The following COBLL1 variants were observed in gnomAD, a reference collection of about 807,000 sequenced individuals.
COBLL1 encodes cordon-bleu protein-like 1.
Under a neutral mutation model 94.8 loss-of-function variants are expected in COBLL1, and 50 were observed. The ratio of observed to expected loss-of-function variants is 0.53; its 90% CI spans 0.42 to 0.67. COBLL1 has a LOEUF of 0.67. Ranked by LOEUF, COBLL1 falls within the 30% of genes least tolerant of loss-of-function variation. COBLL1 has a pLI of 0.00. For missense variants in COBLL1, 1,362 were observed against 1,348.7 expected (o/e 1.01, Z -0.15); for synonymous variants, 448 against 473.8 (o/e 0.95, Z 0.71).
intron 3 of COBLL1, among the ~76,000 whole-genome samples, chr2:164,741,609 G>C (rs999602416): frequency 6.6e-6 from 1 of 151,662 alleles, no homozygotes; most frequent in East Asian, 1.9e-4. Flanking sequence ...CTATCAATTC[G>C]GCTATAATAC....
chr2:164,687,656 G>A (rs1683371661), intron 13 of COBLL1: 2 of 843,024 alleles, frequency 2.4e-6, no homozygotes, highest in Non-Finnish European at 4.0e-6. Context: ...TATTATCAAG[G>A]TCCCTTAGAG....
intron 7 of COBLL1, among the ~76,000 whole-genome samples, chr2:164,714,072 T>C (rs1685041399): frequency 6.6e-6 from 1 of 151,884 alleles, no homozygotes; most frequent in Admixed American, 6.6e-5. Flanking sequence ...ATAATAGACC[T>C]ATTAGTAGAA....
At chr2:164,725,917 A>G (rs1685704162) in intron 5 of COBLL1, among the ~76,000 whole-genome samples, 1 of 152,238 alleles carries the variant, frequency 6.6e-6, no homozygotes. Context: ...CAGGCTAAAT[A>G]TAATTGCATG....
chr2:164,674,358 C>T (rs1235076381), intron 1 of COBLL1, among the ~76,000 whole-genome samples: 4 of 152,126 alleles, frequency 2.6e-5, no homozygotes, highest in African/African-American at 9.7e-5. Flanking sequence ...TGCGCCCAGC[C>T]AAAATTTACT....
chr2:164,818,419 CA>C (rs1684955191), intron 2 of COBLL1, among the ~76,000 whole-genome samples: 1 of 148,514 alleles, frequency 6.7e-6, no homozygotes, highest in South Asian at 2.2e-4. Flanking sequence ...TACATATTTA[CA>C]ATGTATGCAT....
rs1159239744 is a variant in COBLL1, at chr2:164,681,780, AT to A, written c.*4165del. ...AAGTAATTAGCAAGACTTACAAATG[AT>A]TTTTTCCAGTTTGTGAAGCAGAGAT... On this transcript the variant is annotated 3_prime_UTR_variant, in exon 14 of 14. Coordinates refer to ENST00000652658, the MANE Select transcript of COBLL1 (RefSeq NM_001365672.2). 1.4e-4 allele frequency: 22 copies of A among 152,202 alleles called. No individual in the cohort carries two copies. Among genetic ancestry groups the A allele is most frequent in the African/African-American group, 4.8e-4 (20 of 41,540 alleles). 9.4% of individuals were successfully genotyped at this position (152,202 alleles called of 1,614,324 possible).
intron 7 of COBLL1, among the ~76,000 whole-genome samples, chr2:164,715,538 A>G (rs1286213538): frequency 1.3e-5 from 2 of 152,174 alleles, no homozygotes; most frequent in Non-Finnish European, 2.9e-5. Flanking sequence ...TAGGATTAAA[A>G]TTAAGTAAAA....
At chr2:164,710,066 G>A (rs1684804981) in intron 7 of COBLL1, among the ~76,000 whole-genome samples, 1 of 152,106 alleles carries the variant, frequency 6.6e-6, no homozygotes, top group African/African-American at 2.4e-5. Flanking sequence ...AGACACAGAG[G>A]CAAGAGGTTT....
chr2:164,733,247 T>A (rs1463013259), intron 3 of COBLL1, among the ~76,000 whole-genome samples: 6 of 152,214 alleles, frequency 3.9e-5, no homozygotes, highest in Non-Finnish European at 8.8e-5. Flanking sequence ...CTGTGATAAA[T>A]TAATTTTCTA....
In COBLL1 at chr2:164,746,504, C is replaced by T. The variant is rs117591151; in HGVS notation, c.42-2629G>A. ...TGCTATACAAATGTTCCTCTACTTA[C>T]GATGGGATTACAACCTGATAAATCC... On this transcript the variant is annotated intron_variant, in intron 2 of 13. Transcript: ENST00000652658. Among the ~76,000 whole-genome samples the T allele has an allele frequency of 7.0e-4, 107 of 152,156 alleles. 2 individuals are homozygous for T. In the East Asian group the frequency reaches 0.02, roughly 28 times the overall value.
intron 9 of COBLL1, chr2:164,702,979 G>A: frequency 1.6e-6 from 1 of 630,350 alleles, no homozygotes; most frequent in Non-Finnish European, 2.8e-6. Context: ...AGTGAAAAAG[G>A]GGAAACTTCT....
Position 164,722,587 on chromosome 2 carries a change from T to C in COBLL1, c.662-65A>G, listed in dbSNP as rs1685511058. 3 of 841,810 alleles carry C rather than the reference T, an allele frequency of 3.6e-6. No homozygotes were observed. The African/African-American group carries it at 5.2e-5, about 15-fold the overall frequency. 52.1% of individuals were successfully genotyped at this position (841,810 alleles called of 1,614,324 possible). ...TTGACTGTTCACTTCCAAGATTTCT[T>C]TCTCTTACTTCCCCTTTGCAAACTT... is the stretch of plus-strand genomic sequence containing the variant. On this transcript the variant is annotated intron_variant, in intron 5 of 13. Coordinates refer to ENST00000652658, the MANE Select transcript of COBLL1 (RefSeq NM_001365672.2).
At chr2:164,819,521 TA>T (rs71962472) in intron 2 of COBLL1, among the ~76,000 whole-genome samples, 19 of 151,894 alleles carry the variant, frequency 1.3e-4, no homozygotes, top group African/African-American at 3.4e-4. Flanking sequence ...TTTGACAACG[TA>T]AAAAAAAATT....
chr2:164,756,179 C>G (rs1687398248), intron 2 of COBLL1, among the ~76,000 whole-genome samples: 1 of 152,054 alleles, frequency 6.6e-6, no homozygotes. Flanking sequence ...GAGGTCTATT[C>G]CAAATTCACT....
rs1683089156 is a variant in COBLL1 at position 164,682,627 on chromosome 2, G to A, written c.*3319C>T. The stretch of plus-strand genomic sequence containing the variant: ...GAAGGGTCACTCCTCAAAGAATAGG[G>A]AGTATATTAGGCAAATAATACCTGT... On this transcript the variant is annotated 3_prime_UTR_variant, in exon 14 of 14. Coordinates refer to ENST00000652658, the MANE Select transcript of COBLL1 (RefSeq NM_001365672.2). The A allele has an allele frequency of 6.6e-6, 1 of 152,144 alleles. No homozygotes were observed. Among genetic ancestry groups the A allele is most frequent in the Admixed American group, 6.5e-5 (1 of 15,268 alleles). 9.4% of individuals were successfully genotyped at this position (152,144 alleles called of 1,614,324 possible).
chr2:164,700,619 G>C lies in COBLL1; in HGVS notation c.1363C>G (p.Leu455Val). 6.2e-7 allele frequency: 1 copy of C among 1,613,582 alleles called. No homozygotes were observed. The highest frequency in any genetic ancestry group is 8.5e-7 in the Non-Finnish European group (1 of 1,179,610). ...AGGGCTGAGTCAGGATCATTTTTCA[G>C]TGTATTTATTATATCAGTAGATACA... The part of the protein sequence containing the change: ...PFVSTDIINT[L>V]KNDPDSALGN... The change falls in exon 10 of 14, where the codon CTG becomes GTG. Residue 455 changes from leucine to valine, a missense_variant. Coordinates refer to ENST00000652658, the MANE Select transcript of COBLL1 (RefSeq NM_001365672.2).
At chr2:164,805,387 T>C (rs192282649) in intron 2 of COBLL1, among the ~76,000 whole-genome samples, 231 of 124,516 alleles carry the variant, frequency 1.9e-3, no homozygotes, top group Non-Finnish European at 3.2e-3. Flanking sequence ...TAGTTTACAT[T>C]AGGGTTCACG....
At chr2:164,752,492 A>G (rs1185422979) in intron 2 of COBLL1, among the ~76,000 whole-genome samples, 1 of 151,918 alleles carries the variant, frequency 6.6e-6, no homozygotes, top group Non-Finnish European at 1.5e-5. Flanking sequence ...GTTATTGAAT[A>G]TCTTCTAAGT....
chr2:164,758,405 T>A (rs548442890), intron 2 of COBLL1, among the ~76,000 whole-genome samples: 1 of 152,100 alleles, frequency 6.6e-6, no homozygotes, highest in Non-Finnish European at 1.5e-5. Context: ...TAAACATTTA[T>A]AGAAATGACC....
Sources: allele counts gnomAD v4.1 joint callset (sites outside exome capture counted in the v4.1 genomes callset), GRCh38; gene constraint gnomAD v4.1.1; transcripts MANE v1.5; gene names NCBI Gene and HGNC (gene_info 2026-07-23, HGNC 2026-07-21).